The following ARLN variants were observed in gnomAD, a reference collection of about 807,000 sequenced individuals.
The protein encoded by ARLN is sarcoplasmic/endoplasmic reticulum calcium ATPase regulator ARLN.
At chr4:119,302,116 A>G in the ARLN span, among the ~76,000 whole-genome samples, 2 of 152,276 alleles carry the variant, frequency 1.3e-5, no homozygotes, top group African/African-American at 4.8e-5. Flanking sequence ...CTGACAAGGT[A>G]GGATCAATTA....
chr4:119,304,392 C>G, the ARLN span: 1 of 1,536,860 alleles, frequency 6.5e-7, no homozygotes, highest in Non-Finnish European at 8.7e-7. Flanking sequence ...TATTATTTCC[C>G]TCTACATTCT....
chr4:119,300,800 G>A, the ARLN span: 70 of 1,443,182 alleles, frequency 4.9e-5, no homozygotes, highest in South Asian at 9.0e-4. Context: ...GCCTCGCGGC[G>A]TCCCAGGCAG....
chr4:119,300,611 G>A, the ARLN span: 3 of 1,605,278 alleles, frequency 1.9e-6, 1 homozygote, highest in South Asian at 3.3e-5. Flanking sequence ...TCGCCGCACC[G>A]GAAACTGAGC....
the ARLN span, chr4:119,300,501 T>C: frequency 1.2e-6 from 2 of 1,614,012 alleles, no homozygotes; most frequent in South Asian, 1.1e-5. Context: ...CCGGAGACCA[T>C]CTCGACCATC....
chr4:119,301,135 C>T, the ARLN span, among the ~76,000 whole-genome samples: 1 of 150,770 alleles, frequency 6.6e-6, no homozygotes, highest in Non-Finnish European at 1.5e-5. Flanking sequence ...ATAACCTGGC[C>T]GCGCCCCCCT....
At chr4:119,304,367 C>A in the ARLN span, 1 of 1,536,890 alleles carries the variant, frequency 6.5e-7, no homozygotes, top group South Asian at 1.2e-5. Flanking sequence ...TAGTTTTTTG[C>A]CTTCCTTTGG....
the ARLN span, among the ~76,000 whole-genome samples, chr4:119,301,396 C>T: frequency 6.6e-6 from 1 of 151,914 alleles, no homozygotes; most frequent in Non-Finnish European, 1.5e-5. Flanking sequence ...TATTGCACTC[C>T]AGCCTGGGCA....
chr4:119,300,193 C>G, the ARLN span: 1 of 695,158 alleles, frequency 1.4e-6, no homozygotes, highest in African/African-American at 1.8e-5. Flanking sequence ...TCCTTCTCCC[C>G]CACCCACCCG....
At chr4:119,300,250 CTG>C in the ARLN span, 9 of 1,104,010 alleles carry the variant, frequency 8.2e-6, no homozygotes, top group Non-Finnish European at 1.2e-5. Context: ...TATAAACTCT[CTG>C]GAATTCAGTC....
chr4:119,300,755 G>T, the ARLN span: 1 of 1,493,206 alleles, frequency 6.7e-7, no homozygotes, highest in East Asian at 2.5e-5. Context: ...CGCGGCCTCC[G>T]CCTTGACACT....
At chr4:119,300,404 G>C in the ARLN span, 1 of 1,613,772 alleles carries the variant, frequency 6.2e-7, no homozygotes, top group Non-Finnish European at 8.5e-7. Flanking sequence ...GGTCCAACCA[G>C]TAGGAGTGTT....
the ARLN span, chr4:119,300,940 G>C: frequency 1.2e-6 from 1 of 815,582 alleles, no homozygotes; most frequent in Non-Finnish European, 1.8e-6. Flanking sequence ...ATTCCGTTTG[G>C]ATCCTTATGC....
chr4:119,301,896 G>T, the ARLN span, among the ~76,000 whole-genome samples: 1 of 152,216 alleles, frequency 6.6e-6, no homozygotes, highest in Non-Finnish European at 1.5e-5. Context: ...TAGAGACAAA[G>T]ATAGTATACG....
chr4:119,300,197 C>T, the ARLN span: 1 of 705,966 alleles, frequency 1.4e-6, no homozygotes, highest in South Asian at 1.8e-5. Flanking sequence ...TCTCCCCCAC[C>T]CACCCGACTG....
At chr4:119,298,692 G>A in the ARLN span, 5 of 729,680 alleles carry the variant, frequency 6.9e-6, no homozygotes, top group South Asian at 7.9e-5. Context: ...TCTATTGAGA[G>A]TCCTGTCTTC....
the ARLN span, chr4:119,300,700 C>G: frequency 2.6e-6 from 4 of 1,529,810 alleles, no homozygotes; most frequent in Non-Finnish European, 1.8e-6. Flanking sequence ...AGCGCGCAGG[C>G]GCCTGGCTCG....
the ARLN span, chr4:119,300,805 A>T: frequency 6.9e-7 from 1 of 1,442,556 alleles, no homozygotes; most frequent in Non-Finnish European, 9.1e-7. Flanking sequence ...GCGGCGTCCC[A>T]GGCAGATAGC....
the ARLN span, among the ~76,000 whole-genome samples, chr4:119,301,596 T>C: frequency 6.6e-6 from 1 of 152,214 alleles, no homozygotes; most frequent in Non-Finnish European, 1.5e-5. Context: ...TCCTGAATTG[T>C]TCAGAAAATA....
chr4:119,301,387 A>G, the ARLN span, among the ~76,000 whole-genome samples: 18 of 151,564 alleles, frequency 1.2e-4, no homozygotes, highest in Non-Finnish European at 2.2e-4. Context: ...TCGTGCCACT[A>G]TTGCACTCCA....
Sources: allele counts gnomAD v4.1 joint callset (sites outside exome capture counted in the v4.1 genomes callset), GRCh38; gene constraint gnomAD v4.1.1; transcripts MANE v1.5; gene names NCBI Gene and HGNC (gene_info 2026-07-23, HGNC 2026-07-21).